RAP1GDS1: variants seen among roughly 807,000 people sequenced by gnomAD.
The protein encoded by RAP1GDS1 is RAP1, GTP-GDP dissociation stimulator 1.
In RAP1GDS1, 35 loss-of-function variants were observed where a neutral mutation model predicts 71.1. The observed-to-expected ratio is 0.49, with a 90% CI of 0.38 to 0.65. The LOEUF is 0.65. Ranked by LOEUF, RAP1GDS1 falls within the 30% of genes least tolerant of loss-of-function variation. RAP1GDS1 has a pLI of 0.00. For missense variants in RAP1GDS1, 663 were observed against 706.1 expected (o/e 0.94, Z 0.69); for synonymous variants, 229 against 243.1 (o/e 0.94, Z 0.54).
intron 4 of RAP1GDS1, among the ~76,000 whole-genome samples, chr4:98,367,669 G>T (rs1578611170): frequency 6.6e-6 from 1 of 152,242 alleles, no homozygotes; most frequent in African/African-American, 2.4e-5. Flanking sequence ...TGACTTGGAT[G>T]TGAGACATGG....
chr4:98,309,146 A>G (rs375655522), intron 2 of RAP1GDS1, among the ~76,000 whole-genome samples: 3 of 152,208 alleles, frequency 2.0e-5, no homozygotes, highest in East Asian at 1.9e-4. Flanking sequence ...AGATTTAATA[A>G]TATATGAATA....
At chr4:98,420,360 T>G (rs1299895213) in intron 11 of RAP1GDS1, among the ~76,000 whole-genome samples, 1 of 147,790 alleles carries the variant, frequency 6.8e-6, no homozygotes, top group Non-Finnish European at 1.5e-5. Flanking sequence ...ATTTATTTAT[T>G]TATTTGTTTA....
At chr4:98,412,971 A>G (rs1171877756) in intron 7 of RAP1GDS1, among the ~76,000 whole-genome samples, 10 of 152,262 alleles carry the variant, frequency 6.6e-5, no homozygotes, top group East Asian at 1.9e-4. Context: ...ATGAGGGTCT[A>G]TGTTTGGCTG....
At chr4:98,294,845 C>T (rs1727486235) in intron 2 of RAP1GDS1, among the ~76,000 whole-genome samples, 1 of 152,090 alleles carries the variant, frequency 6.6e-6, no homozygotes, top group African/African-American at 2.4e-5. Flanking sequence ...CCTGTATAGG[C>T]AGCTTTACAC....
chr4:98,261,464 TG>T lies in RAP1GDS1; in HGVS notation c.-100del. On this transcript the variant is annotated 5_prime_UTR_variant, in exon 1 of 15. Transcript: ENST00000408927. ...CGGCCGCCCCCCGCGGGTCCCTCCCTGGCTGCGGGAGAGACGGAGGTAGAGG... is the reference window on the plus strand; with the variant it reads ...CGGCCGCCCCCCGCGGGTCCCTCCCTGCTGCGGGAGAGACGGAGGTAGAGG... 1 of 1,256,434 alleles carries T rather than the reference TG, an allele frequency of 8.0e-7. No homozygotes were observed. The allele number at this position is 1,256,434 out of a possible 1,614,324, so 77.8% of individuals were successfully genotyped here.
chr4:98,413,719 A>C (rs916191878), intron 7 of RAP1GDS1, among the ~76,000 whole-genome samples: 16 of 152,182 alleles, frequency 1.1e-4, no homozygotes, highest in Middle Eastern at 3.4e-3. Flanking sequence ...ATTTATAGTC[A>C]TTTGGGTATA....
chr4:98,273,252 C>T (rs770974552), intron 1 of RAP1GDS1, among the ~76,000 whole-genome samples: 3 of 152,054 alleles, frequency 2.0e-5, no homozygotes, highest in East Asian at 1.9e-4. Context: ...GAAAATCACT[C>T]GTAAAGAGAA....
intron 2 of RAP1GDS1, among the ~76,000 whole-genome samples, chr4:98,341,169 A>C (rs761271926): frequency 1.3e-4 from 20 of 152,188 alleles, no homozygotes; most frequent in Non-Finnish European, 2.1e-4. Flanking sequence ...CCTATATAGA[A>C]ATCTACATGC....
rs891675905 is a variant in RAP1GDS1, at chr4:98,261,445, C to A, written c.-121C>A. On this transcript the variant is annotated 5_prime_UTR_variant, in exon 1 of 15. Coordinates refer to ENST00000408927, the MANE Select transcript of RAP1GDS1 (RefSeq NM_001100427.2). ...ACCAGCTGCTCCTCCCCGGCGGCCG[C>A]CCCCCGCGGGTCCCTCCCTGGCTGC... 2.5e-5 allele frequency: 26 copies of A among 1,047,030 alleles called. No homozygotes were observed. The highest frequency in any genetic ancestry group is 2.0e-4 in the African/African-American group (12 of 59,832). The allele number at this position is 1,047,030 out of a possible 1,614,324, so 64.9% of individuals were successfully genotyped here.
intron 1 of RAP1GDS1, among the ~76,000 whole-genome samples, chr4:98,267,384 T>G (rs1722840827): frequency 1.3e-5 from 2 of 152,276 alleles, no homozygotes; most frequent in Admixed American, 1.3e-4. Context: ...TATGTGACAC[T>G]TTGGAGTATG....
chr4:98,334,516 G>C (rs779516699), intron 2 of RAP1GDS1, among the ~76,000 whole-genome samples: 1 of 152,084 alleles, frequency 6.6e-6, no homozygotes. Flanking sequence ...CAGGGAAATC[G>C]TTTAGTGTGT....
At chr4:98,434,679 G>A (rs1259445971) in intron 13 of RAP1GDS1, among the ~76,000 whole-genome samples, 5 of 149,354 alleles carry the variant, frequency 3.3e-5, no homozygotes, top group African/African-American at 1.2e-4. Context: ...AGAGTGCAGT[G>A]GCGCAATCTC....
intron 1 of RAP1GDS1, among the ~76,000 whole-genome samples, chr4:98,285,398 C>G (rs1725821102): frequency 6.6e-6 from 1 of 152,036 alleles, no homozygotes; most frequent in Non-Finnish European, 1.5e-5. Context: ...TTTAACATAG[C>G]TTTATGATAA....
chr4:98,427,670 AGTTTT>A (rs1267376579), intron 12 of RAP1GDS1, among the ~76,000 whole-genome samples: 1 of 152,220 alleles, frequency 6.6e-6, no homozygotes. Flanking sequence ...ATGGAGATGT[AGTTTT>A]ACAAGGAAAA....
intron 14 of RAP1GDS1, among the ~76,000 whole-genome samples, 166 bp from the exon 15 acceptor site, chr4:98,441,824 T>G (rs1326443085): frequency 1.3e-5 from 2 of 152,206 alleles, no homozygotes; most frequent in Non-Finnish European, 2.9e-5. Context: ...TTTTAAATTA[T>G]AATACATTTC....
intron 1 of RAP1GDS1, among the ~76,000 whole-genome samples, chr4:98,261,904 A>G: frequency 6.6e-6 from 1 of 151,898 alleles, no homozygotes; most frequent in Middle Eastern, 3.2e-3. Flanking sequence ...CTGCAGCTCC[A>G]TCCCCGTTTC....
chr4:98,431,667 G>A (rs1025245924), intron 12 of RAP1GDS1, among the ~76,000 whole-genome samples: 1 of 152,140 alleles, frequency 6.6e-6, no homozygotes, highest in Non-Finnish European at 1.5e-5. Flanking sequence ...CTGAGCTTCA[G>A]TTCCTTCATC....
chr4:98,304,934 C>T (rs1042250378), intron 2 of RAP1GDS1, among the ~76,000 whole-genome samples: 4 of 152,048 alleles, frequency 2.6e-5, no homozygotes, highest in Non-Finnish European at 5.9e-5. Context: ...TTTCCCAGCA[C>T]GATTTATTAA....
At chr4:98,362,915 G>GAC (rs776783829) in intron 4 of RAP1GDS1, among the ~76,000 whole-genome samples, 12 of 152,282 alleles carry the variant, frequency 7.9e-5, no homozygotes, top group Admixed American at 3.3e-4. Flanking sequence ...ATGTTTAGGG[G>GAC]ACACTGCCTG....
Sources: gnomAD v4.1 joint callset for allele counts (sites outside exome capture counted in the v4.1 genomes callset) on GRCh38, gnomAD v4.1.1 for gene constraint, MANE v1.5 for transcripts, NCBI Gene and HGNC (gene_info 2026-07-23, HGNC 2026-07-21) for gene names.